The following LINGO2 variants were observed in gnomAD, a reference collection of about 807,000 sequenced individuals.
LINGO2 encodes leucine rich repeat and Ig domain containing 2.
A neutral mutation model predicts 30.6 loss-of-function variants in LINGO2; 14 were observed. The ratio of observed to expected loss-of-function variants is 0.46; its 90% CI spans 0.30 to 0.72. The LOEUF (loss-of-function observed/expected upper bound fraction) is 0.72, where lower values mean the gene tolerates loss of function less well. Ranked by LOEUF, LINGO2 falls within the 30% of genes least tolerant of loss-of-function variation. The pLI, the probability that LINGO2 is intolerant of heterozygous loss-of-function variation, is 0.07. For missense variants in LINGO2, 729 were observed against 751.7 expected, an observed-to-expected ratio of 0.97 and a Z score of 0.35; for synonymous variants, 317 against 288.5, an observed-to-expected ratio of 1.10 and a Z score of -1.00.
At chr9:28,837,169 C>T in the LINGO2 span, among the ~76,000 whole-genome samples, 4 of 152,154 alleles carry the variant, frequency 2.6e-5, no homozygotes, top group Non-Finnish European at 5.9e-5. Flanking sequence ...TAAAAGGATG[C>T]TTTCTCAAAA....
intron 4 of LINGO2, among the ~76,000 whole-genome samples, chr9:28,059,611 C>T (rs932893508): frequency 9.2e-5 from 14 of 152,106 alleles, no homozygotes; most frequent in African/African-American, 3.4e-4. Context: ...AATTCAACCA[C>T]AGACCTTTTG....
chr9:28,653,846 C>A (rs565169293), intron 1 of LINGO2, among the ~76,000 whole-genome samples: 6 of 152,058 alleles, frequency 3.9e-5, no homozygotes, highest in Admixed American at 3.3e-4. Flanking sequence ...TTGAACATCA[C>A]TCTTTGTTAA....
At chr9:28,992,721 C>T in the LINGO2 span, among the ~76,000 whole-genome samples, 1 of 152,006 alleles carries the variant, frequency 6.6e-6, no homozygotes. Flanking sequence ...CACTCAAAAC[C>T]ACTCAACTAC....
chr9:28,092,949 A>G (rs1263035059), intron 4 of LINGO2, among the ~76,000 whole-genome samples: 3 of 152,030 alleles, frequency 2.0e-5, no homozygotes, highest in African/African-American at 7.2e-5. Flanking sequence ...TCTTATCACA[A>G]CCTTATGAGT....
At position 27,996,391 on chromosome 9, in the gene LINGO2, C is replaced by T. The variant is rs562877316; in HGVS notation, c.-36+15964G>A. On this transcript the variant is annotated intron_variant, in intron 5 of 5. Transcript: ENST00000379992. Reference sequence around the variant, plus strand: ...AAAATATAGACTCAATCTAAATGTCCATCAATGGACAAATAGGTAAAAAAT... The same window carrying T: ...AAAATATAGACTCAATCTAAATGTCTATCAATGGACAAATAGGTAAAAAAT... Among the ~76,000 whole-genome samples, 5 of 152,236 alleles carry T rather than the reference C, an allele frequency of 3.3e-5. No individual in the cohort carries two copies. In the East Asian group the frequency reaches 9.7e-4, roughly 29 times the overall value.
intron 5 of LINGO2, among the ~76,000 whole-genome samples, chr9:27,960,614 CTTTTTTTT>C (rs540319420): frequency 8.2e-6 from 1 of 122,310 alleles, no homozygotes; most frequent in African/African-American, 2.8e-5. Context: ...TGTGGTATAT[CTTTTTTTT>C]TTTTTTTTTT....
chr9:28,304,419 G>A (rs1173419499), intron 3 of LINGO2, among the ~76,000 whole-genome samples: 1 of 151,592 alleles, frequency 6.6e-6, no homozygotes, highest in African/African-American at 2.4e-5. Flanking sequence ...AATTTACAGA[G>A]AGTGAAACAT....
At chr9:28,572,563 T>C (rs1434440671) in intron 1 of LINGO2, among the ~76,000 whole-genome samples, 1 of 152,136 alleles carries the variant, frequency 6.6e-6, no homozygotes, top group Non-Finnish European at 1.5e-5. Context: ...GCAATTGGTG[T>C]GATGACCTCA....
intron 1 of LINGO2, among the ~76,000 whole-genome samples, chr9:28,523,330 A>G (rs937073221): frequency 6.6e-6 from 1 of 152,116 alleles, no homozygotes; most frequent in African/African-American, 2.4e-5. Context: ...CCAGATAAAG[A>G]GCATCTACAG....
chr9:28,596,960 T>G (rs898090962), intron 1 of LINGO2, among the ~76,000 whole-genome samples: 1 of 152,160 alleles, frequency 6.6e-6, no homozygotes, highest in Admixed American at 6.5e-5. Context: ...CTCATGTTTA[T>G]ATGCTTTAAA....
At chr9:29,053,999 G>A in the LINGO2 span, among the ~76,000 whole-genome samples, 2 of 151,836 alleles carry the variant, frequency 1.3e-5, no homozygotes, top group Non-Finnish European at 2.9e-5. Flanking sequence ...AACTTAATGA[G>A]GTAAATGTGT....
chr9:28,447,848 A>G (rs1824489252), intron 2 of LINGO2, among the ~76,000 whole-genome samples: 1 of 152,284 alleles, frequency 6.6e-6, no homozygotes, highest in South Asian at 2.1e-4. Flanking sequence ...ATATATTGGG[A>G]AAAATTTTTA....
the LINGO2 span, among the ~76,000 whole-genome samples, chr9:29,123,540 A>G: frequency 2.0e-5 from 3 of 152,068 alleles, no homozygotes; most frequent in East Asian, 5.8e-4. Flanking sequence ...TAGTTAAAAA[A>G]AAAATCCTAG....
chr9:28,222,242 G>A (rs922745485), intron 4 of LINGO2, among the ~76,000 whole-genome samples: 1 of 152,084 alleles, frequency 6.6e-6, no homozygotes, highest in Non-Finnish European at 1.5e-5. Context: ...AATGTGAAGA[G>A]GCACTGAATA....
intron 4 of LINGO2, among the ~76,000 whole-genome samples, chr9:28,037,537 C>T (rs115775223): frequency 4.1e-4 from 63 of 152,258 alleles, no homozygotes; most frequent in African/African-American, 1.4e-3. Context: ...ACTGCCTTGT[C>T]TCTTATAGGC....
chr9:29,196,058 G>C, the LINGO2 span, among the ~76,000 whole-genome samples: 1 of 152,062 alleles, frequency 6.6e-6, no homozygotes, highest in Non-Finnish European at 1.5e-5. Flanking sequence ...GAAAATGTTT[G>C]ATACTTTACA....
intron 4 of LINGO2, among the ~76,000 whole-genome samples, chr9:28,267,537 T>C (rs149793713): frequency 6.6e-6 from 1 of 152,058 alleles, no homozygotes; most frequent in Non-Finnish European, 1.5e-5. Context: ...GTTCCTGACA[T>C]GTATTGCCCT....
At chr9:28,540,477 G>A (rs991681651) in intron 1 of LINGO2, among the ~76,000 whole-genome samples, 1 of 151,976 alleles carries the variant, frequency 6.6e-6, no homozygotes, top group African/African-American at 2.4e-5. Flanking sequence ...GGCTAGGCTG[G>A]GCTCGAATTC....
chr9:28,041,213 CAG>C (rs1157004794), intron 4 of LINGO2, among the ~76,000 whole-genome samples: 2 of 152,128 alleles, frequency 1.3e-5, no homozygotes, highest in Admixed American at 6.5e-5. Context: ...ACTGTTTTCT[CAG>C]AGTTATGAGG....
Sources: allele counts gnomAD v4.1 joint callset (sites outside exome capture counted in the v4.1 genomes callset), GRCh38; gene constraint gnomAD v4.1.1; transcripts MANE v1.5; gene names NCBI Gene and HGNC (gene_info 2026-07-23, HGNC 2026-07-21).